The following EXD3 variants were observed in gnomAD, a reference collection of about 807,000 sequenced individuals.
EXD3 encodes the protein exonuclease 3'-5' domain containing 3.
A neutral mutation model predicts 98.0 loss-of-function variants in EXD3; 92 were observed. That is an observed-to-expected ratio of 0.94 (90% CI 0.79 to 1.12). The LOEUF (loss-of-function observed/expected upper bound fraction) is 1.12. Ranked by LOEUF, EXD3 falls within the 50% of genes most tolerant of loss-of-function variation. EXD3 has a pLI of 0.00. For synonymous variants in EXD3, 569 were observed against 526.0 expected (o/e 1.08, Z -1.12); for missense variants, 1,222 against 1,191.6 (o/e 1.03, Z -0.38).
At chr9:137,326,675 G>A (rs1473408854) in intron 17 of EXD3, among the ~76,000 whole-genome samples, 1 of 152,032 alleles carries the variant, frequency 6.6e-6, no homozygotes, top group Non-Finnish European at 1.5e-5. Context: ...CATCCATTAG[G>A]GTGGCCTTTA....
At chr9:137,376,343 C>CAAA (rs765888922) in intron 3 of EXD3, among the ~76,000 whole-genome samples, 21 of 39,948 alleles carry the variant, frequency 5.3e-4, no homozygotes, top group African/African-American at 7.9e-4. Flanking sequence ...GACTCTGTCT[C>CAAA]AAAAAAAAAA....
chr9:137,336,889 G>A (rs1001431390), intron 17 of EXD3, among the ~76,000 whole-genome samples: 2 of 151,798 alleles, frequency 1.3e-5, no homozygotes, highest in Non-Finnish European at 2.9e-5. Flanking sequence ...AAGATAGTAC[G>A]ACTAAACCCA....
rs778384503 is a variant in EXD3, at chr9:137,349,317, G to A, written c.1658-35C>T. 6.5e-7 allele frequency: 1 copy of A among 1,549,636 alleles called. No homozygotes were observed. Among genetic ancestry groups the A allele is most frequent in the Non-Finnish European group, 8.7e-7 (1 of 1,152,024 alleles). ...GAGTCGGCCTCAGCCTCCCGGGACA[G>A]AGGGCGGGAGGGGCGTGAGGAGGGG... On this transcript the variant is annotated intron_variant, in intron 15 of 21. Coordinates refer to ENST00000340951, the MANE Select transcript of EXD3 (RefSeq NM_017820.5). The surrounding 1 kb of genome is among the most constrained non-coding windows in gnomAD (Gnocchi z 7.4).
intron 1 of EXD3, among the ~76,000 whole-genome samples, chr9:137,396,169 T>C (rs887605729): frequency 6.6e-6 from 1 of 152,028 alleles, no homozygotes; most frequent in African/African-American, 2.4e-5. Flanking sequence ...GGTTTCCCCA[T>C]GTTGGTCAGG....
At chr9:137,356,417 A>G (rs1029275808) in intron 7 of EXD3, 49 bp from the exon 8 acceptor site, 3 of 1,198,174 alleles carry the variant, frequency 2.5e-6, no homozygotes, top group South Asian at 1.3e-5. Flanking sequence ...AAGTTAATAC[A>G]TTTTAAGATT....
At chr9:137,330,181 G>C (rs917377260) in intron 17 of EXD3, among the ~76,000 whole-genome samples, 2 of 134,476 alleles carry the variant, frequency 1.5e-5, no homozygotes, top group African/African-American at 5.9e-5. Flanking sequence ...AGCTACACGG[G>C]ACTACACAGG....
chr9:137,315,194 C>T (rs1831577985), intron 19 of EXD3, among the ~76,000 whole-genome samples: 1 of 152,226 alleles, frequency 6.6e-6, no homozygotes, highest in Non-Finnish European at 1.5e-5. Flanking sequence ...GCCCAGCACC[C>T]CTCTGCACAG....
chr9:137,337,154 G>C (rs1588289428), intron 17 of EXD3, among the ~76,000 whole-genome samples: 1 of 152,078 alleles, frequency 6.6e-6, no homozygotes, highest in Non-Finnish European at 1.5e-5. Context: ...GAGTCAAAGA[G>C]GTTCACCACA....
chr9:137,315,127 G>T (rs1200594293), intron 19 of EXD3, among the ~76,000 whole-genome samples: 1 of 152,214 alleles, frequency 6.6e-6, no homozygotes, highest in Non-Finnish European at 1.5e-5. Flanking sequence ...GGCTTGCTTA[G>T]CAGGGTGGGG....
rs1374881712 is a variant in EXD3, at chr9:137,324,054, G to A, written c.2052+36C>T. On this transcript the variant is annotated intron_variant, in intron 18 of 21. Coordinates refer to ENST00000340951, the MANE Select transcript of EXD3 (RefSeq NM_017820.5). This position sits in a 1 kb window ranked among gnomAD's most constrained non-coding sequence, Gnocchi z 4.1. The stretch of plus-strand genomic sequence containing the variant: ...GGGGCTGGGGGCTTGGGAAGATGGG[G>A]CTCAGGCCCACTGAGCTTATCTTTG... 4 of 1,566,096 alleles carry A rather than the reference G, an allele frequency of 2.6e-6. No individual in the cohort carries two copies. The East Asian group carries it at 9.5e-5, about 37-fold the overall frequency.
intron 1 of EXD3, among the ~76,000 whole-genome samples, chr9:137,413,537 G>A (rs1438163591): frequency 3.0e-5 from 4 of 135,408 alleles, no homozygotes; most frequent in Admixed American, 1.6e-4. Flanking sequence ...ACAGGGTCTC[G>A]CTCTGTCACC....
chr9:137,308,016 A>C (rs909278878), intron 20 of EXD3, among the ~76,000 whole-genome samples: 5 of 134,176 alleles, frequency 3.7e-5, no homozygotes, highest in Non-Finnish European at 6.3e-5. Flanking sequence ...GTGAATTTCG[A>C]AATCAGCCAG....
intron 2 of EXD3, chr9:137,392,189 G>A (rs1405450478): frequency 2.0e-5 from 3 of 152,388 alleles, no homozygotes; most frequent in Non-Finnish European, 4.4e-5. Context: ...GAGCGCAGTG[G>A]ACATTCGGAT....
At position 137,352,699 on chromosome 9, in the gene EXD3, C is replaced by A. The variant is rs1411644220; in HGVS notation, c.958G>T (p.Ala320Ser). 1 of 1,563,740 alleles carries A rather than the reference C, an allele frequency of 6.4e-7. No individual in the cohort carries two copies. Among genetic ancestry groups the A allele is most frequent in the African/African-American group, 1.4e-5 (1 of 73,722 alleles). ...HSDPVTAAQC[A>S]MELLLPEERL... Reference sequence around the variant, plus strand: ...TCCTCGGGCAGCAAGAGTTCCATGGCACACTGGGCGGCCGTGACTGGGTCA... The same window carrying A: ...TCCTCGGGCAGCAAGAGTTCCATGGAACACTGGGCGGCCGTGACTGGGTCA... The change falls in exon 11 of 22, where the codon GCC becomes TCC. Residue 320 changes from alanine (A) to serine (S), a missense_variant. Ala to Ser is a moderately conservative substitution (Grantham distance 99). Transcript: ENST00000340951.
At chr9:137,374,187 C>T (rs1016487829) in intron 3 of EXD3, among the ~76,000 whole-genome samples, 31 of 152,246 alleles carry the variant, frequency 2.0e-4, no homozygotes, top group Middle Eastern at 3.2e-3. Flanking sequence ...GTGAGTCAAC[C>T]GCTATAGACT....
At chr9:137,355,852 C>T (rs1233077737) in intron 8 of EXD3, among the ~76,000 whole-genome samples, 3 of 152,172 alleles carry the variant, frequency 2.0e-5, no homozygotes, top group Non-Finnish European at 4.4e-5. Flanking sequence ...CCGGCCCTTG[C>T]AGGGGGTCCT....
chr9:137,380,355 G>A (rs1306771268), intron 3 of EXD3, among the ~76,000 whole-genome samples: 21 of 32,770 alleles, frequency 6.4e-4, no homozygotes, highest in South Asian at 1.1e-3. Context: ...CCCAACCCCC[G>A]TCCGGGCATC....
intron 1 of EXD3, among the ~76,000 whole-genome samples, chr9:137,418,857 CCT>C (rs1436096283): frequency 6.6e-6 from 1 of 151,898 alleles, no homozygotes; most frequent in East Asian, 1.9e-4. Context: ...AACTAAGTCT[CCT>C]CTCTGTCATA....
At position 137,324,524 on chromosome 9, in the gene EXD3, C is replaced by T. The variant is rs1239835578; in HGVS notation, c.1999-381G>A. Among the ~76,000 whole-genome samples the T allele has an allele frequency of 6.6e-6, 1 of 152,118 alleles. No individual in the cohort carries two copies. The highest frequency in any genetic ancestry group is 1.5e-5 in the Non-Finnish European group (1 of 68,030). On this transcript the variant is annotated intron_variant, in intron 17 of 21. Coordinates refer to ENST00000340951, the MANE Select transcript of EXD3 (RefSeq NM_017820.5). The surrounding 1 kb of genome is among the most constrained non-coding windows in gnomAD (Gnocchi z 4.1). ...CCCCTAGCTCATAGGGAGCCAACTA[C>T]ACATCAAAAATGAAGAAAACCCTGC...
Sources: allele counts gnomAD v4.1 joint callset (sites outside exome capture counted in the v4.1 genomes callset), GRCh38; gene constraint gnomAD v4.1.1; non-coding constraint Gnocchi (gnomAD v3.1); transcripts MANE v1.5; gene names NCBI Gene and HGNC (gene_info 2026-07-23, HGNC 2026-07-21).